AGAP1: variants seen among roughly 807,000 people sequenced by gnomAD.
AGAP1 encodes the protein arf-GAP with GTPase, ANK repeat and PH domain-containing protein 1.
In AGAP1, 29 loss-of-function variants were observed where a neutral mutation model predicts 105.3. That is an observed-to-expected ratio of 0.28 (90% confidence interval 0.21 to 0.38). AGAP1 has a LOEUF of 0.38. Among genes scored for constraint, AGAP1 ranks in the 10% least tolerant of loss-of-function variants. The probability of loss-of-function intolerance (pLI) is 1.00; values close to 1 mark genes in which losing one functional copy is unlikely to be tolerated. For missense variants in AGAP1, 998 were observed against 1,165.1 expected, an observed-to-expected ratio of 0.86 and a Z score of 2.09; for synonymous variants, 509 against 485.9, an observed-to-expected ratio of 1.05 and a Z score of -0.63.
chr2:236,077,847 G>C (rs1374895440), intron 16 of AGAP1, among the ~76,000 whole-genome samples: 1 of 152,162 alleles, frequency 6.6e-6, no homozygotes. Context: ...GACTTTTTCA[G>C]GTATTGATCC....
chr2:235,638,373 G>A (rs1237418278), intron 1 of AGAP1, among the ~76,000 whole-genome samples: 1 of 152,200 alleles, frequency 6.6e-6, no homozygotes, highest in African/African-American at 2.4e-5. Flanking sequence ...CTTGGGAGGT[G>A]CACTGCACAG....
chr2:235,520,402 C>G (rs1354641944), intron 1 of AGAP1, among the ~76,000 whole-genome samples: 1 of 152,164 alleles, frequency 6.6e-6, no homozygotes. Flanking sequence ...TTCCCGGGGC[C>G]TGTGTTTGTT....
chr2:235,655,733 A>C lies in AGAP1; in HGVS notation c.164-53446A>C, dbSNP rs1947750260. ...ATGGAGCAGGATTCCTTATTTTGTG[A>C]AGAAAGGATCTTTAGTGCCACGTGT... On this transcript the variant is annotated intron_variant, in intron 1 of 17. Transcript: ENST00000304032. This position sits in a 1 kb window ranked among gnomAD's most constrained non-coding sequence, Gnocchi z 4.3. Among the ~76,000 whole-genome samples the C allele has an allele frequency of 6.6e-6, 1 of 152,312 alleles. No individual in the cohort carries two copies. Among genetic ancestry groups the C allele is most frequent in the East Asian group, 1.9e-4 (1 of 5,190 alleles).
At chr2:235,585,754 C>G (rs1945086907) in intron 1 of AGAP1, among the ~76,000 whole-genome samples, 2 of 152,162 alleles carry the variant, frequency 1.3e-5, no homozygotes, top group Non-Finnish European at 2.9e-5. Flanking sequence ...CCAACAGGTG[C>G]ATTCAAACCA....
At chr2:235,519,011 C>T (rs115393717) in intron 1 of AGAP1, among the ~76,000 whole-genome samples, 372 of 152,276 alleles carry the variant, frequency 2.4e-3, no homozygotes, top group African/African-American at 8.6e-3. Flanking sequence ...TTATCTGAAA[C>T]GAGTACTATT....
At chr2:236,106,181 A>G (rs2125921536) in intron 16 of AGAP1, among the ~76,000 whole-genome samples, 1 of 152,364 alleles carries the variant, frequency 6.6e-6, no homozygotes, top group Middle Eastern at 3.4e-3. Context: ...TGCCAATTTC[A>G]AAGCACATAC....
At chr2:235,658,262 T>C (rs1215602872) in intron 1 of AGAP1, among the ~76,000 whole-genome samples, 1 of 152,228 alleles carries the variant, frequency 6.6e-6, no homozygotes, top group Admixed American at 6.5e-5. Context: ...CAAAATGTCT[T>C]CTATTACCAG....
chr2:235,612,739 G>A lies in AGAP1; in HGVS notation c.164-96440G>A, dbSNP rs60359381. On this transcript the variant is annotated intron_variant, in intron 1 of 17. Transcript: ENST00000304032. This position sits in a 1 kb window ranked among gnomAD's most constrained non-coding sequence, Gnocchi z 4.3. ...GGGTGGCCGGCCAGGTGTGCTGAGTGCCACCTGGGCTTGCATGCCGGACGC... is the reference window on the plus strand; with the variant it reads ...GGGTGGCCGGCCAGGTGTGCTGAGTACCACCTGGGCTTGCATGCCGGACGC... 2.0e-5 allele frequency among the ~76,000 whole-genome samples: 3 copies of A among 152,216 alleles called. No homozygotes were observed. Among genetic ancestry groups the A allele is most frequent in the Admixed American group, 6.5e-5 (1 of 15,286 alleles).
chr2:235,852,629 A>T lies in AGAP1; in HGVS notation c.1051-30716A>T, dbSNP rs1375674541. 2.9e-6 allele frequency: 4 copies of T among 1,377,308 alleles called. No homozygotes were observed. In the South Asian group the frequency reaches 7.1e-5, roughly 24 times the overall value. 85.3% of individuals were successfully genotyped at this position (1,377,308 alleles called of 1,614,324 possible). ...TTGAGTTTATAATTAATTAGCCATA[A>T]CCCTCATCAGATAAAGCAGTTGTGA... is the stretch of plus-strand genomic sequence containing the variant. On this transcript the variant is annotated intron_variant, in intron 9 of 17. Transcript: ENST00000304032.
At chr2:236,052,102 G>C (rs568543321) in intron 16 of AGAP1, among the ~76,000 whole-genome samples, 1 of 152,102 alleles carries the variant, frequency 6.6e-6, no homozygotes, top group Non-Finnish European at 1.5e-5. Context: ...CAGCTGGAAG[G>C]TTCTTTTAAT....
In AGAP1 at chr2:235,611,204, C is replaced by T. The variant is rs991863672; in HGVS notation, c.164-97975C>T. On this transcript the variant is annotated intron_variant, in intron 1 of 17. Coordinates refer to ENST00000304032, the MANE Select transcript of AGAP1 (RefSeq NM_001037131.3). This position sits in a 1 kb window ranked among gnomAD's most constrained non-coding sequence, Gnocchi z 5.0. Reference sequence around the variant, plus strand: ...CTAGTGTAGGGACTGCCACTTCATGCTGTCTTGCCAGAGCACCTTCCCAGG... The same window carrying T: ...CTAGTGTAGGGACTGCCACTTCATGTTGTCTTGCCAGAGCACCTTCCCAGG... 6.6e-6 allele frequency among the ~76,000 whole-genome samples: 1 copy of T among 152,000 alleles called. No homozygotes were observed. The highest frequency in any genetic ancestry group is 1.5e-5 in the Non-Finnish European group (1 of 67,984).
chr2:235,634,901 T>G (rs58112680), intron 1 of AGAP1, among the ~76,000 whole-genome samples: 55,464 of 151,932 alleles, frequency 0.37, 10,216 homozygotes, highest in South Asian at 0.5. Flanking sequence ...TAGGATGTGT[T>G]TGTTCCATGT....
At chr2:235,536,662 CACACACACACACA>C (rs1559231715) in intron 1 of AGAP1, among the ~76,000 whole-genome samples, 13 of 151,782 alleles carry the variant, frequency 8.6e-5, no homozygotes, top group African/African-American at 1.9e-4. Flanking sequence ...CACACACACA[CACACACACACACA>C]CACCCCTTGC....
At chr2:236,063,276 G>A (rs1432428388) in intron 16 of AGAP1, among the ~76,000 whole-genome samples, 1 of 152,044 alleles carries the variant, frequency 6.6e-6, no homozygotes, top group African/African-American at 2.4e-5. Context: ...ATTTAGTAGA[G>A]ACGGGGTTTC....
intron 15 of AGAP1, among the ~76,000 whole-genome samples, chr2:236,043,337 A>G (rs1212394641): frequency 6.6e-6 from 1 of 152,230 alleles, no homozygotes; most frequent in East Asian, 1.9e-4. Context: ...ACAGTGCTTT[A>G]CATGGCAAAA....
chr2:235,925,802 A>G (rs540351406), intron 11 of AGAP1, among the ~76,000 whole-genome samples: 133 of 152,194 alleles, frequency 8.7e-4, no homozygotes, highest in Non-Finnish European at 1.5e-3. Context: ...TGTGTTTAGA[A>G]CAGTGTTTGG....
At chr2:236,006,321 C>CA (rs2056321784) in intron 13 of AGAP1, among the ~76,000 whole-genome samples, 2 of 152,154 alleles carry the variant, frequency 1.3e-5, no homozygotes, top group South Asian at 4.1e-4. Flanking sequence ...GGCTGTTTCC[C>CA]AAAGAGCTCT....
At chr2:236,026,800 A>G (rs754444167) in intron 13 of AGAP1, among the ~76,000 whole-genome samples, 3 of 152,206 alleles carry the variant, frequency 2.0e-5, no homozygotes, top group Non-Finnish European at 4.4e-5. Context: ...GCTAGTTTCA[A>G]AAGGCCCAAC....
At chr2:235,810,234 C>T (rs1226321466) in intron 9 of AGAP1, among the ~76,000 whole-genome samples, 4 of 152,190 alleles carry the variant, frequency 2.6e-5, no homozygotes, top group East Asian at 1.9e-4. Context: ...AGCCATTCTC[C>T]GGGTGGGAGG....
Sources: allele counts gnomAD v4.1 joint callset (sites outside exome capture counted in the v4.1 genomes callset), GRCh38; gene constraint gnomAD v4.1.1; non-coding constraint Gnocchi (gnomAD v3.1); transcripts MANE v1.5; gene names NCBI Gene and HGNC (gene_info 2026-07-23, HGNC 2026-07-21).